Variants in SRPK1 observed in about 807,000 individuals in gnomAD.
SRPK1 encodes the protein SFRS protein kinase 1.
SRPK1 carries 52 observed loss-of-function variants against 89.5 expected under a neutral mutation model. The ratio of observed to expected loss-of-function variants is 0.58; its 90% confidence interval spans 0.46 to 0.73. The LOEUF (loss-of-function observed/expected upper bound fraction) is 0.73, where lower values mean the gene tolerates loss of function less well. Ranked by LOEUF, SRPK1 falls within the 30% of genes least tolerant of loss-of-function variation. SRPK1 has a pLI of 0.00. For missense variants in SRPK1, 603 were observed against 780.6 expected (o/e 0.77, Z 2.71); for synonymous variants, 255 against 270.2 (o/e 0.94, Z 0.55).
intron 6 of SRPK1, among the ~76,000 whole-genome samples, chr6:35,880,335 A>G (rs1157018326): frequency 6.6e-6 from 1 of 152,064 alleles, no homozygotes; most frequent in African/African-American, 2.4e-5. Flanking sequence ...GAGGAATAGA[A>G]AGAAAAAAGA....
intron 11 of SRPK1, 39 bp downstream of exon 11, chr6:35,869,443 C>A (rs1769982753): frequency 6.3e-7 from 1 of 1,584,938 alleles, no homozygotes; most frequent in Admixed American, 1.7e-5. Context: ...ATGTGTTGTG[C>A]AGGGAAGGAG....
chr6:35,855,317 AC>A (rs1264401091), intron 13 of SRPK1, among the ~76,000 whole-genome samples: 1 of 151,956 alleles, frequency 6.6e-6, no homozygotes, highest in Non-Finnish European at 1.5e-5. Context: ...AAAAAAACAA[AC>A]AAAAACCCAA....
chr6:35,861,688 C>T (rs370613470), intron 12 of SRPK1, among the ~76,000 whole-genome samples: 3 of 152,356 alleles, frequency 2.0e-5, no homozygotes, highest in East Asian at 1.9e-4. Flanking sequence ...TGCTAGGTTG[C>T]GCCTTGCCCT....
intron 6 of SRPK1, among the ~76,000 whole-genome samples, chr6:35,885,260 A>AACACACACACACAC (rs71540130): frequency 3.7e-4 from 41 of 111,852 alleles, no homozygotes; most frequent in African/African-American, 1.5e-3. Context: ...TAATTCTTTG[A>AACACACACACACAC]ACACACACAC....
chr6:35,903,714 G>A (rs1024178162), intron 2 of SRPK1, among the ~76,000 whole-genome samples: 6 of 152,114 alleles, frequency 3.9e-5, no homozygotes, highest in Non-Finnish European at 8.8e-5. Flanking sequence ...ATTGTTACGT[G>A]GTAGTTAAAA....
At chr6:35,883,279 C>T (rs554518977) in intron 6 of SRPK1, among the ~76,000 whole-genome samples, 1 of 152,228 alleles carries the variant, frequency 6.6e-6, no homozygotes, top group Non-Finnish European at 1.5e-5. Flanking sequence ...ATCTCAGCTA[C>T]TCGGGAGGGT....
In SRPK1 at chr6:35,838,407, T is replaced by G. The variant is rs758748134; in HGVS notation, c.1713A>C (p.Glu571Asp). 6.3e-7 allele frequency: 1 copy of G among 1,581,518 alleles called. No individual in the cohort carries two copies. The highest frequency in any genetic ancestry group is 8.5e-7 in the Non-Finnish European group (1 of 1,171,786). ...GCTTGCGAGGCACCTTCCCCAGAAG[T>G]TCTATGATCAATGCAATGTGATCTG... ...RDEDHIALII[E>D]LLGKVPRKLI... The change falls in exon 15 of 16, where the codon GAA becomes GAC. Residue 571 changes from glutamate (E) to aspartate (D), a missense_variant. By Grantham distance (45) the Glu-to-Asp change is conservative. Coordinates refer to ENST00000373825, the MANE Select transcript of SRPK1 (RefSeq NM_003137.5).
intron 14 of SRPK1, among the ~76,000 whole-genome samples, chr6:35,839,648 T>G (rs553925005): frequency 3.0e-4 from 45 of 151,798 alleles, no homozygotes; most frequent in Admixed American, 8.5e-4. Context: ...CCTTTTTTTT[T>G]TCTCTCTGCA....
intron 2 of SRPK1, among the ~76,000 whole-genome samples, chr6:35,907,498 G>A (rs1029632422): frequency 3.3e-5 from 5 of 152,080 alleles, no homozygotes; most frequent in Non-Finnish European, 5.9e-5. Flanking sequence ...CTGAGATCAG[G>A]AGTTCAAGAC....
chr6:35,844,472 T>C (rs1486378487), intron 13 of SRPK1, among the ~76,000 whole-genome samples: 1 of 152,206 alleles, frequency 6.6e-6, no homozygotes, highest in Non-Finnish European at 1.5e-5. Context: ...GACCCAAGTT[T>C]AGGTCCTGGT....
At position 35,840,102 on chromosome 6, in the gene SRPK1, C is replaced by T. The variant is rs139302190; in HGVS notation, c.1691-1673G>A. Among the ~76,000 whole-genome samples, 442 of 152,244 alleles carry T rather than the reference C, an allele frequency of 2.9e-3. 2 individuals are homozygous for T. Among genetic ancestry groups the T allele is most frequent in the African/African-American group, 9.7e-3 (401 of 41,530 alleles). On this transcript the variant is annotated intron_variant, in intron 14 of 15. Coordinates refer to ENST00000373825, the MANE Select transcript of SRPK1 (RefSeq NM_003137.5). ...GATTACAGGCGTGAACCACCACACC[C>T]GGGCATAATACTCCTGGCCAGAAAA...
At chr6:35,919,974 C>CATG (rs1363585393) in intron 2 of SRPK1, 1 of 421,672 alleles carries the variant, frequency 2.4e-6, no homozygotes, top group Non-Finnish European at 4.7e-6. Context: ...AGGGAAAAGC[C>CATG]CCATGCCCTC....
intron 12 of SRPK1, among the ~76,000 whole-genome samples, chr6:35,858,504 G>C (rs1386994149): frequency 6.6e-6 from 1 of 152,094 alleles, no homozygotes; most frequent in Non-Finnish European, 1.5e-5. Context: ...TAAAGATCAA[G>C]AATCAGAATG....
intron 2 of SRPK1, among the ~76,000 whole-genome samples, chr6:35,917,154 AC>A (rs1480538608): frequency 5.9e-5 from 9 of 152,238 alleles, no homozygotes; most frequent in Non-Finnish European, 1.0e-4. Context: ...ATTGGTATAA[AC>A]ACTGAAAACA....
At chr6:35,885,756 A>G (rs1770394941) in intron 6 of SRPK1, among the ~76,000 whole-genome samples, 1 of 152,224 alleles carries the variant, frequency 6.6e-6, no homozygotes, top group Non-Finnish European at 1.5e-5. Context: ...GAAAAATCTG[A>G]TTGACCTTTA....
At chr6:35,854,716 A>T (rs1374025657) in intron 13 of SRPK1, among the ~76,000 whole-genome samples, 3 of 140,614 alleles carry the variant, frequency 2.1e-5, no homozygotes, top group South Asian at 5.0e-4. Context: ...AATGTGGAAT[A>T]AAAAAAAAAT....
intron 13 of SRPK1, among the ~76,000 whole-genome samples, chr6:35,845,431 A>G (rs1384920418): frequency 6.6e-6 from 1 of 152,242 alleles, no homozygotes; most frequent in Non-Finnish European, 1.5e-5. Context: ...AAAGTCTATT[A>G]AGAAACAAAC....
intron 14 of SRPK1, among the ~76,000 whole-genome samples, chr6:35,841,745 T>C (rs1769311639): frequency 6.9e-6 from 1 of 145,156 alleles, no homozygotes; most frequent in African/African-American, 2.6e-5. Flanking sequence ...GGCAGGAGAA[T>C]CGCTTGAACG....
At chr6:35,850,669 A>G (rs1360194928) in intron 13 of SRPK1, among the ~76,000 whole-genome samples, 8 of 71,768 alleles carry the variant, frequency 1.1e-4, no homozygotes, top group East Asian at 2.6e-4. Flanking sequence ...TCCAAAATGC[A>G]TATGTCTACT....
Sources: gnomAD v4.1 joint callset for allele counts (sites outside exome capture counted in the v4.1 genomes callset) on GRCh38, gnomAD v4.1.1 for gene constraint, MANE v1.5 for transcripts, NCBI Gene and HGNC (gene_info 2026-07-23, HGNC 2026-07-21) for gene names.